Variants in TG observed in about 807,000 individuals in gnomAD.
TG encodes the protein thyroid hormones.
In TG, 270 loss-of-function variants were observed where a neutral mutation model predicts 324.7. That is an observed-to-expected ratio of 0.83 (90% CI 0.75 to 0.92). The LOEUF (loss-of-function observed/expected upper bound fraction) is 0.92, where lower values mean the gene tolerates loss of function less well. Ranked by LOEUF, TG falls within the 40% of genes least tolerant of loss-of-function variation. The pLI, the probability that TG is intolerant of heterozygous loss-of-function variation, is 0.00. For synonymous variants in TG, 1,401 were observed against 1,327.0 expected (o/e 1.06, Z -1.21); for missense variants, 3,591 against 3,456.4 (o/e 1.04, Z -0.98).
chr8:132,869,933 G>T lies in TG; in HGVS notation c.274+107G>T. The T allele has an allele frequency of 6.5e-6, 6 of 921,024 alleles. No individual in the cohort carries two copies. The South Asian group carries it at 8.9e-5, about 14-fold the overall frequency. The allele number at this position is 921,024 out of a possible 1,614,324, so 57.1% of individuals were successfully genotyped here. A position where few individuals can be genotyped will look rare whatever the true frequency, so the allele number is the denominator to read the frequency against. Reference sequence around the variant, plus strand: ...GTGACTGAGCAGGTCCTCCCTCTGGGCTGCTGGCTTCTCCTCTGTGAATAA... The same window carrying T: ...GTGACTGAGCAGGTCCTCCCTCTGGTCTGCTGGCTTCTCCTCTGTGAATAA... On this transcript the variant is annotated intron_variant, in intron 3 of 47. Coordinates refer to ENST00000220616, the MANE Select transcript of TG (RefSeq NM_003235.5).
Position 132,983,310 on chromosome 8 carries a change from G to A in TG, c.6200-40G>A, listed in dbSNP as rs528919657. On this transcript the variant is annotated intron_variant, in intron 34 of 47. Coordinates refer to ENST00000220616, the MANE Select transcript of TG (RefSeq NM_003235.5). The stretch of plus-strand genomic sequence containing the variant: ...GCCTTCTGAACTCGATGATACCATG[G>A]GGGTAGAAAAGAACTGAAAGACTGC... The A allele has an allele frequency of 1.9e-5, 30 of 1,601,230 alleles. No homozygotes were observed. The South Asian group carries it at 2.9e-4, about 15-fold the overall frequency.
chr8:133,025,240 C>T (rs778179849), intron 40 of TG, among the ~76,000 whole-genome samples: 2 of 152,178 alleles, frequency 1.3e-5, no homozygotes, highest in Non-Finnish European at 2.9e-5. Flanking sequence ...AGCTATCTCC[C>T]GCCTGCCTCA....
At chr8:132,996,817 T>C (rs1284781245) in intron 35 of TG, among the ~76,000 whole-genome samples, 2 of 152,176 alleles carry the variant, frequency 1.3e-5, no homozygotes, top group African/African-American at 4.8e-5. Flanking sequence ...TACAAATAAA[T>C]TGACTTAACT....
chr8:133,096,502 G>A, intron 43 of TG, 129 bp downstream of exon 43: 1 of 1,137,378 alleles, frequency 8.8e-7, no homozygotes, highest in Non-Finnish European at 1.3e-6. Flanking sequence ...GCCTATGTGA[G>A]TTTAGGAGGT....
rs1306447202 is a variant in TG, at chr8:132,967,836, C to G, written c.5729C>G (p.Thr1910Arg). 5 of 1,613,840 alleles carry G rather than the reference C, an allele frequency of 3.1e-6. No homozygotes were observed. Among genetic ancestry groups the G allele is most frequent in the Non-Finnish European group, 4.2e-6 (5 of 1,179,920 alleles). ...TCTTTCTGTCAGCTCGCAGAGATAA[C>G]AGAGAGTGCATCCTTGTACTTCACC... Reference protein sequence around the residue: ...EHSFCQLAEITESASLYFTCT... With the variant: ...EHSFCQLAEIRESASLYFTCT... Residue 1910 changes from threonine (T) to arginine (R), a missense_variant, in exon 31 of 48, where the codon ACA becomes AGA. Physicochemically the swap from Thr to Arg is moderately conservative, Grantham distance 71. Coordinates refer to ENST00000220616, the MANE Select transcript of TG (RefSeq NM_003235.5).
chr8:133,133,658 C>T lies in TG; in HGVS notation c.8186C>T (p.Ala2729Val), dbSNP rs1852118545. The T allele has an allele frequency of 1.9e-6, 3 of 1,613,360 alleles. No individual in the cohort carries two copies. Among genetic ancestry groups the T allele is most frequent in the South Asian group, 1.1e-5 (1 of 90,972 alleles). ...TACATCTCGTCTCTGAAGACATCTG[C>T]AGGTAGCAAAGCCCTGGGACAAGTG... Reference protein sequence around the residue: ...SKYISSLKTSADGAKGGQSAE... With the variant: ...SKYISSLKTSVDGAKGGQSAE... The change falls in exon 47 of 48, where the codon GCA (alanine) becomes GTA (valine). Residue 2729 changes from alanine (A) to valine (V), a missense_variant and splice_region_variant. By Grantham distance (64) the Ala-to-Val change is moderately conservative. Transcript: ENST00000220616.
At chr8:132,947,352 A>T (rs1431057106) in intron 26 of TG, among the ~76,000 whole-genome samples, 1 of 152,192 alleles carries the variant, frequency 6.6e-6, no homozygotes, top group African/African-American at 2.4e-5. Context: ...TTCTGATGTC[A>T]TCAGTCTAAG....
chr8:132,878,558 C>T (rs1039996151), intron 5 of TG, among the ~76,000 whole-genome samples: 15 of 149,520 alleles, frequency 1.0e-4, no homozygotes, highest in Admixed American at 4.7e-4. Context: ...TCACTTGAGC[C>T]AAGATCGCAC....
chr8:132,980,147 A>G (rs955630185), intron 34 of TG, among the ~76,000 whole-genome samples: 3 of 152,112 alleles, frequency 2.0e-5, no homozygotes, highest in Non-Finnish European at 2.9e-5. Context: ...TGACAAAAGT[A>G]TCTTTTTGTC....
At chr8:133,071,315 C>A (rs1442766169) in intron 41 of TG, among the ~76,000 whole-genome samples, 1 of 152,160 alleles carries the variant, frequency 6.6e-6, no homozygotes, top group Non-Finnish European at 1.5e-5. Flanking sequence ...TCGGAGTTTG[C>A]CCAGCTGGAA....
Position 132,983,356 on chromosome 8 carries a change from A to G in TG, c.6206A>G (p.Gln2069Arg). ...PFGWYQKPIA[Q>R]NNAPSFCPLV... ...ACTGCTTTTTCCTTTTCAGTTGCTC[A>G]AAATAATGCTCCCAGTTTTTGCCCT... The change falls in exon 35 of 48, where the codon CAA (glutamine) becomes CGA (arginine). Residue 2069 changes from glutamine to arginine, a missense_variant. Physicochemically the swap from Gln to Arg is conservative, Grantham distance 43 (BLOSUM62 1). Coordinates refer to ENST00000220616, the MANE Select transcript of TG (RefSeq NM_003235.5). 1 of 1,614,162 alleles carries G rather than the reference A, an allele frequency of 6.2e-7. No individual in the cohort carries two copies. The highest frequency in any genetic ancestry group is 8.5e-7 in the Non-Finnish European group (1 of 1,180,006).
intron 25 of TG, among the ~76,000 whole-genome samples, chr8:132,939,767 C>T (rs1388485479): frequency 1.3e-5 from 2 of 151,952 alleles, no homozygotes; most frequent in Non-Finnish European, 2.9e-5. Flanking sequence ...ACCTCTGCCT[C>T]CCAGGTTGAA....
chr8:132,876,616 C>T (rs1813839192), intron 5 of TG, among the ~76,000 whole-genome samples: 1 of 152,066 alleles, frequency 6.6e-6, no homozygotes, highest in African/African-American at 2.4e-5. Flanking sequence ...GTCCTTTTGC[C>T]CTTCAAGAAG....
chr8:132,972,608 G>A lies in TG; in HGVS notation c.6066G>A (p.Val2022=). The part of the protein sequence containing the change: ...LNVSQLKGGE[V]TCLTLNSLGI... Reference sequence around the variant, plus strand: ...TTTTTTCCACCCCAGGAGGAGAGGTGACATGTCTCACTCTGAACAGCTTGG... The same window carrying A: ...TTTTTTCCACCCCAGGAGGAGAGGTAACATGTCTCACTCTGAACAGCTTGG... Residue 2022 remains valine (V), a synonymous_variant, in exon 34 of 48, where the codon GTG becomes GTA. Transcript: ENST00000220616. 6.3e-7 allele frequency: 1 copy of A among 1,591,782 alleles called. No individual in the cohort carries two copies. Among genetic ancestry groups the A allele is most frequent in the Non-Finnish European group, 8.6e-7 (1 of 1,165,160 alleles).
intron 41 of TG, chr8:133,050,683 C>G: frequency 1.5e-6 from 1 of 647,844 alleles, no homozygotes; most frequent in Middle Eastern, 2.5e-4. Context: ...CAGTATGGGT[C>G]AAATTTCTCA....
chr8:133,095,556 C>G lies in TG; in HGVS notation c.7404+348C>G, dbSNP rs573248581. On this transcript the variant is annotated intron_variant, in intron 42 of 47. Coordinates refer to ENST00000220616, the MANE Select transcript of TG (RefSeq NM_003235.5). ...GACCGTGGTGGGCAGGGGACCAAAC[C>G]CTTAACAGGTCACAGCTAGATGTGT... Among the ~76,000 whole-genome samples, 20 of 152,286 alleles carry G rather than the reference C, an allele frequency of 1.3e-4. 1 individual carries two copies. Among genetic ancestry groups the G allele is most frequent in the South Asian group, 1.0e-3 (5 of 4,830 alleles).
chr8:132,879,341 A>G (rs1003063759), intron 5 of TG, among the ~76,000 whole-genome samples: 1 of 152,184 alleles, frequency 6.6e-6, no homozygotes, highest in Admixed American at 6.5e-5. Flanking sequence ...AGCACTGGAA[A>G]TGGACTTGGG....
At chr8:132,871,233 C>T (rs895862995) in intron 3 of TG, 115 bp from the exon 4 acceptor site, 27 of 1,053,466 alleles carry the variant, frequency 2.6e-5, no homozygotes, top group South Asian at 1.3e-4. Context: ...TGTCCTTGGG[C>T]GGGTCATTCC....
At chr8:132,944,676 C>G (rs1343659406) in intron 26 of TG, among the ~76,000 whole-genome samples, 1 of 152,184 alleles carries the variant, frequency 6.6e-6, no homozygotes, top group Non-Finnish European at 1.5e-5. Context: ...CTCCCACCCC[C>G]ACTGTTTCCA....
Sources: allele counts gnomAD v4.1 joint callset (sites outside exome capture counted in the v4.1 genomes callset), GRCh38; gene constraint gnomAD v4.1.1; transcripts MANE v1.5; gene names NCBI Gene and HGNC (gene_info 2026-07-23, HGNC 2026-07-21).